The following SFXN1 variants were observed in gnomAD, a reference collection of about 807,000 sequenced individuals.
SFXN1 encodes sideroflexin 1, also known as sideroflexin-1.
A neutral mutation model predicts 39.5 loss-of-function variants in SFXN1; 32 were observed. That is an observed-to-expected ratio of 0.81 (90% CI 0.61 to 1.09). The LOEUF (loss-of-function observed/expected upper bound fraction) is 1.09, where lower values mean the gene tolerates loss of function less well. Ranked by LOEUF, SFXN1 falls within the 50% of genes least tolerant of loss-of-function variation. The pLI, the probability that SFXN1 is intolerant of heterozygous loss-of-function variation, is 0.00. For missense variants in SFXN1, 402 were observed against 407.1 expected, an observed-to-expected ratio of 0.99 and a Z score of 0.11; for synonymous variants, 136 against 146.5, an observed-to-expected ratio of 0.93 and a Z score of 0.52.
rs530904212 is a variant in SFXN1 at position 175,493,451 on chromosome 5, A to G, written c.164+1184A>G. Among the ~76,000 whole-genome samples, 6 of 152,322 alleles carry G rather than the reference A, an allele frequency of 3.9e-5. No homozygotes were observed. In the East Asian group the frequency reaches 1.2e-3, roughly 29 times the overall value. On this transcript the variant is annotated intron_variant, in intron 2 of 10. Transcript: ENST00000321442. ...CCTTAACCATCATCTAGGTAGAGAG[A>G]GAACCGACGACAGTCAATAAACACT...
intron 5 of SFXN1, among the ~76,000 whole-genome samples, chr5:175,511,841 A>ATCTCTC (rs146338435): frequency 1.7e-3 from 159 of 94,456 alleles, no homozygotes; most frequent in African/African-American, 8.5e-3. Flanking sequence ...AGGCAAGAGC[A>ATCTCTC]TCTCTCTCTC....
intron 8 of SFXN1, among the ~76,000 whole-genome samples, chr5:175,520,212 T>C (rs989264091): frequency 6.6e-6 from 1 of 151,964 alleles, no homozygotes; most frequent in Admixed American, 6.6e-5. Context: ...TATGTACATA[T>C]ATATATATAC....
chr5:175,479,490 A>T (rs1759149271), intron 1 of SFXN1, among the ~76,000 whole-genome samples: 1 of 152,058 alleles, frequency 6.6e-6, no homozygotes, highest in South Asian at 2.1e-4. Flanking sequence ...TGCTGTCTAA[A>T]ATTGCACCCC....
At chr5:175,498,334 A>C (rs947035077) in intron 2 of SFXN1, among the ~76,000 whole-genome samples, 1 of 151,166 alleles carries the variant, frequency 6.6e-6, no homozygotes, top group Non-Finnish European at 1.5e-5. Flanking sequence ...CACATTTACT[A>C]ATTTAACCCT....
intron 1 of SFXN1, chr5:175,491,864 A>G (rs1007079620): frequency 3.9e-5 from 16 of 410,626 alleles, no homozygotes; most frequent in Non-Finnish European, 6.9e-5. Flanking sequence ...CTATGTACTT[A>G]TAAAGAGAAA....
chr5:175,499,271 G>A (rs551755442), intron 2 of SFXN1, among the ~76,000 whole-genome samples: 99 of 151,248 alleles, frequency 6.5e-4, no homozygotes, highest in Non-Finnish European at 1.1e-3. Flanking sequence ...AAAAAAAAAG[G>A]GATATCAAAC....
rs1255996376 is a variant in SFXN1 at position 175,528,939 on chromosome 5, A to C, written c.*2205A>C. On this transcript the variant is annotated 3_prime_UTR_variant, in exon 11 of 11. Transcript: ENST00000321442. ...GTCCTCCCCCTACCAGGTAGTGTGT[A>C]GCTCCATTTCAGAATGTTAACCTCC... The C allele has an allele frequency of 6.6e-6, 1 of 152,236 alleles. No individual in the cohort carries two copies. The highest frequency in any genetic ancestry group is 1.5e-5 in the Non-Finnish European group (1 of 68,092). 9.4% of individuals were successfully genotyped at this position (152,236 alleles called of 1,614,324 possible).
chr5:175,519,864 C>CTTTTTTTTT (rs369561037), intron 8 of SFXN1, among the ~76,000 whole-genome samples: 5 of 77,282 alleles, frequency 6.5e-5, no homozygotes, highest in African/African-American at 1.6e-4. Context: ...GGGTTTTTTG[C>CTTTTTTTTT]TTTTTTTTTT....
intron 1 of SFXN1, chr5:175,484,042 C>G (rs1335813949): frequency 1.3e-5 from 2 of 152,186 alleles, no homozygotes; most frequent in Non-Finnish European, 2.9e-5. Flanking sequence ...ATCTTGTTCT[C>G]CAAAACTTTC....
chr5:175,492,335 A>C, intron 2 of SFXN1, 68 bp downstream of exon 2: 2 of 1,319,438 alleles, frequency 1.5e-6, no homozygotes, highest in Non-Finnish European at 1.0e-6. Context: ...CTATCTTTAA[A>C]CCTTCACTTA....
chr5:175,510,078 G>C, intron 3 of SFXN1, 31 bp from the exon 4 acceptor site: 2 of 1,581,884 alleles, frequency 1.3e-6, no homozygotes, highest in Non-Finnish European at 1.7e-6. Flanking sequence ...GCCCAGTGAT[G>C]GTGGGTATGT....
intron 2 of SFXN1, among the ~76,000 whole-genome samples, chr5:175,497,862 G>A (rs997575414): frequency 3.3e-5 from 5 of 151,342 alleles, no homozygotes; most frequent in African/African-American, 4.9e-5. Flanking sequence ...CCCAGGAGGC[G>A]GAGGTTGTAG....
At chr5:175,484,695 C>T (rs887206454) in intron 1 of SFXN1, among the ~76,000 whole-genome samples, 1 of 152,248 alleles carries the variant, frequency 6.6e-6, no homozygotes, top group African/African-American at 2.4e-5. Flanking sequence ...AGGCCCCGTG[C>T]GTAAGGAGCG....
chr5:175,506,980 C>T (rs1329875142), intron 2 of SFXN1, among the ~76,000 whole-genome samples: 1 of 152,102 alleles, frequency 6.6e-6, no homozygotes, highest in Non-Finnish European at 1.5e-5. Context: ...TTTCTTAAGG[C>T]TGCCATAACA....
chr5:175,486,980 G>A (rs1427456532), intron 1 of SFXN1, among the ~76,000 whole-genome samples: 3 of 152,268 alleles, frequency 2.0e-5, no homozygotes, highest in South Asian at 2.1e-4. Flanking sequence ...GAGAATTATA[G>A]TTAAAAGGGA....
At chr5:175,508,419 G>C (rs1760392571) in intron 2 of SFXN1, among the ~76,000 whole-genome samples, 1 of 151,612 alleles carries the variant, frequency 6.6e-6, no homozygotes, top group Admixed American at 6.6e-5. Flanking sequence ...TTTTTTTATA[G>C]AGACAGAGTC....
At chr5:175,522,269 C>A in intron 9 of SFXN1, 106 bp from the exon 10 acceptor site, 2 of 1,159,462 alleles carry the variant, frequency 1.7e-6, no homozygotes, top group Non-Finnish European at 2.4e-6. Flanking sequence ...CAACACAGAA[C>A]GTAATGCTCT....
intron 2 of SFXN1, among the ~76,000 whole-genome samples, chr5:175,501,195 A>G (rs973491523): frequency 1.8e-4 from 27 of 150,724 alleles, no homozygotes; most frequent in African/African-American, 6.6e-4. Flanking sequence ...AAGCCTCCCG[A>G]GTAGCTAGGA....
chr5:175,510,618 G>A (rs1446176295), intron 4 of SFXN1, among the ~76,000 whole-genome samples: 1 of 152,182 alleles, frequency 6.6e-6, no homozygotes, highest in Non-Finnish European at 1.5e-5. Context: ...TGTGGTCTCT[G>A]CAGAAATCAA....
Sources: gnomAD v4.1 joint callset for allele counts (sites outside exome capture counted in the v4.1 genomes callset) on GRCh38, gnomAD v4.1.1 for gene constraint, MANE v1.5 for transcripts, NCBI Gene and HGNC (gene_info 2026-07-23, HGNC 2026-07-21) for gene names.